TIMELESS: variants seen among roughly 807,000 people sequenced by gnomAD.
TIMELESS encodes protein timeless homolog.
A neutral mutation model predicts 164.3 loss-of-function variants in TIMELESS; 124 were observed. That is an observed-to-expected ratio of 0.75 (90% confidence interval 0.65 to 0.88). The LOEUF is 0.88. Among genes scored for constraint, TIMELESS ranks in the 40% least tolerant of loss-of-function variants. TIMELESS has a pLI of 0.00. For synonymous variants in TIMELESS, 564 were observed against 563.4 expected (o/e 1.00, Z -0.02); for missense variants, 1,422 against 1,491.4 (o/e 0.95, Z 0.77).
At chr12:56,423,547 G>T (rs577212141) in intron 17 of TIMELESS, 37 bp downstream of exon 17, 1 of 1,612,570 alleles carries the variant, frequency 6.2e-7, no homozygotes, top group Non-Finnish European at 8.5e-7. Flanking sequence ...CCGCACAATC[G>T]CCACTCTAGG....
chr12:56,449,147 A>G (rs1036262890), intron 1 of TIMELESS, among the ~76,000 whole-genome samples, 163 bp downstream of exon 1: 2 of 152,264 alleles, frequency 1.3e-5, no homozygotes, highest in African/African-American at 4.8e-5. Context: ...GAGACTAAGG[A>G]GCAGAGTACA....
At position 56,417,800 on chromosome 12, in the gene TIMELESS, G is replaced by A; in HGVS notation, c.3557-14C>T. 1 of 1,614,122 alleles carries A rather than the reference G, an allele frequency of 6.2e-7. No homozygotes were observed. The highest frequency in any genetic ancestry group is 1.1e-5 in the South Asian group (1 of 91,084). ...CCAACTCTGGTGCTGTGGGAACGAT[G>A]GGGGTGAGAGAGAGAGAGAATATCT... On this transcript the variant is annotated splice_polypyrimidine_tract_variant and intron_variant, in intron 28 of 28. Coordinates refer to ENST00000553532, the MANE Select transcript of TIMELESS (RefSeq NM_003920.5).
intron 1 of TIMELESS, among the ~76,000 whole-genome samples, chr12:56,443,271 C>T (rs1868302006): frequency 1.3e-5 from 2 of 152,204 alleles, no homozygotes; most frequent in Admixed American, 1.3e-4. Flanking sequence ...ATTGATAACC[C>T]TGGGGAAGGA....
At chr12:56,437,078 C>T (rs767387191) in intron 1 of TIMELESS, among the ~76,000 whole-genome samples, 61 of 152,112 alleles carry the variant, frequency 4.0e-4, no homozygotes, top group African/African-American at 8.0e-4. Flanking sequence ...TACAGGCGCA[C>T]GCCACCATAC....
rs1333757480 is a variant in TIMELESS, at chr12:56,420,562, T to C, written c.3228+7A>G. The C allele has an allele frequency of 6.2e-7, 1 of 1,613,314 alleles. No individual in the cohort carries two copies. Among genetic ancestry groups the C allele is most frequent in the East Asian group, 2.2e-5 (1 of 44,886 alleles). On this transcript the variant is annotated splice_region_variant and intron_variant, in intron 26 of 28. Transcript: ENST00000553532. ...GCCTTGGTTGACACTGTAACTGACA[T>C]ATTTACCTGCCCAGAGGCAGGGGGC...
At chr12:56,434,984 G>A (rs1053146094) in intron 1 of TIMELESS, among the ~76,000 whole-genome samples, 4 of 152,160 alleles carry the variant, frequency 2.6e-5, no homozygotes, top group African/African-American at 9.7e-5. Context: ...TGAGGTTGCA[G>A]TGAGCTGTGA....
Position 56,433,621 on chromosome 12 carries a change from G to C in TIMELESS, c.283C>G (p.Leu95Val). ...LMVNLTQPALLCFGNLPKEPS... is the reference protein window; with the variant it reads ...LMVNLTQPALVCFGNLPKEPS... ...TCCTTAGGCAGATTGCCAAAACAGA[G>C]CAAGGCTGGTTGTGTCAAGTTCACC... The change falls in exon 4 of 29, where the codon CTC (leucine) becomes GTC (valine). Residue 95 changes from leucine to valine, a missense_variant. By Grantham distance (32) the Leu-to-Val change is conservative. Coordinates refer to ENST00000553532, the MANE Select transcript of TIMELESS (RefSeq NM_003920.5). 3.1e-6 allele frequency: 5 copies of C among 1,614,154 alleles called. No homozygotes were observed. The highest frequency in any genetic ancestry group is 4.2e-6 in the Non-Finnish European group (5 of 1,180,050).
intron 1 of TIMELESS, among the ~76,000 whole-genome samples, chr12:56,441,813 G>T (rs1427148957): frequency 1.3e-5 from 2 of 152,162 alleles, no homozygotes; most frequent in Non-Finnish European, 2.9e-5. Flanking sequence ...GCCAGGCGCG[G>T]TGGCTCACGC....
At chr12:56,423,925 C>G in intron 15 of TIMELESS, 31 bp from the exon 16 acceptor site, 1 of 1,578,782 alleles carries the variant, frequency 6.3e-7, no homozygotes, top group Non-Finnish European at 8.7e-7. Context: ...AGGCTTTACC[C>G]AGGGGAAATC....
intron 1 of TIMELESS, among the ~76,000 whole-genome samples, chr12:56,442,770 C>T (rs574849778): frequency 2.2e-4 from 34 of 152,222 alleles, no homozygotes; most frequent in Middle Eastern, 3.4e-3. Flanking sequence ...ATGGAGAGAC[C>T]GGCTGAAGCC....
In TIMELESS at chr12:56,428,290, G is replaced by A. The variant is rs1160767248; in HGVS notation, c.1524C>T (p.Leu508=). The change falls in exon 13 of 29, where the codon CTC becomes CTT. Residue 508 remains leucine (L), a synonymous_variant. Transcript: ENST00000553532. ...FLRDLVETTH[L]FLKMLERFCR... ...AGAATCGCTCCAACATTTTGAGGAAGAGGTGGGTGGTCTCCACCAGGTCAC... is the reference window on the plus strand; with the variant it reads ...AGAATCGCTCCAACATTTTGAGGAAAAGGTGGGTGGTCTCCACCAGGTCAC... The A allele has an allele frequency of 6.2e-7, 1 of 1,612,746 alleles. No individual in the cohort carries two copies. Among genetic ancestry groups the A allele is most frequent in the East Asian group, 2.2e-5 (1 of 44,836 alleles).
At chr12:56,445,659 G>A (rs1868340123) in intron 1 of TIMELESS, among the ~76,000 whole-genome samples, 2 of 151,672 alleles carry the variant, frequency 1.3e-5, no homozygotes, top group African/African-American at 4.8e-5. Flanking sequence ...AATCGCTTGA[G>A]GCGGAGGTTG....
Position 56,421,137 on chromosome 12 carries a change from A to G in TIMELESS, c.2869-3T>C. Reference sequence around the variant, plus strand: ...TTCAGGGACTCCGCTCCATTTGGCTAAAATTCATTGGGGGTTGGGGGAATG... The same window carrying G: ...TTCAGGGACTCCGCTCCATTTGGCTGAAATTCATTGGGGGTTGGGGGAATG... On this transcript the variant is annotated splice_polypyrimidine_tract_variant and splice_region_variant and intron_variant, in intron 23 of 28. Transcript: ENST00000553532. The G allele has an allele frequency of 2.5e-6, 4 of 1,613,964 alleles. No homozygotes were observed. The South Asian group carries it at 3.3e-5, about 13-fold the overall frequency.
At position 56,416,563 on chromosome 12, in the gene TIMELESS, T is replaced by C. The variant is rs984345882; in HGVS notation, c.*1153A>G. ...AGATTTTGTCCTTTTCTATGCCCCATGCCAACAAGCTGGCTTCTCTTCCTT... is the reference window on the plus strand; with the variant it reads ...AGATTTTGTCCTTTTCTATGCCCCACGCCAACAAGCTGGCTTCTCTTCCTT... On this transcript the variant is annotated 3_prime_UTR_variant, in exon 29 of 29. Transcript: ENST00000553532. 6.6e-6 allele frequency: 1 copy of C among 152,248 alleles called. No individual in the cohort carries two copies. The highest frequency in any genetic ancestry group is 1.5e-5 in the Non-Finnish European group (1 of 68,078). 9.4% of individuals were successfully genotyped at this position (152,248 alleles called of 1,614,324 possible). A position where few individuals can be genotyped will look rare whatever the true frequency, so the allele number is the denominator to read the frequency against.
At position 56,417,635 on chromosome 12, in the gene TIMELESS, G is replaced by A. The variant is rs1359571246; in HGVS notation, c.*81C>T. ...TCTGTCCAGTAAGAGGAGCTTCTGG[G>A]TCCTGTATGACCCTTCCAACTCTGA... On this transcript the variant is annotated 3_prime_UTR_variant, in exon 29 of 29. Transcript: ENST00000553532. The A allele has an allele frequency of 4.3e-6, 6 of 1,393,794 alleles. No individual in the cohort carries two copies. In the Admixed American group the frequency reaches 1.0e-4, roughly 24 times the overall value. The allele number at this position is 1,393,794 out of a possible 1,614,324, so 86.3% of individuals were successfully genotyped here. A position where few individuals can be genotyped will look rare whatever the true frequency, so the allele number is the denominator to read the frequency against.
At chr12:56,444,006 T>C (rs1868315057) in intron 1 of TIMELESS, among the ~76,000 whole-genome samples, 1 of 151,814 alleles carries the variant, frequency 6.6e-6, no homozygotes, top group Admixed American at 6.6e-5. Flanking sequence ...CAAGCGATTA[T>C]CTTGCCTCAG....
intron 4 of TIMELESS, 29 bp downstream of exon 4, chr12:56,433,509 A>T (rs1881965340): frequency 1.2e-6 from 2 of 1,613,528 alleles, no homozygotes; most frequent in African/African-American, 2.7e-5. Context: ...CCCATATTCC[A>T]CCCCAGGGAC....
chr12:56,418,051 C>T (rs757463516), intron 27 of TIMELESS, 43 bp from the exon 28 acceptor site: 17 of 1,613,444 alleles, frequency 1.1e-5, no homozygotes, highest in Non-Finnish European at 1.4e-5. Context: ...ACTCGGTCCT[C>T]ATATTCTCAG....
intron 26 of TIMELESS, among the ~76,000 whole-genome samples, chr12:56,420,029 A>AAATATATATATATATATAT (rs1555176447): frequency 1.3e-5 from 1 of 75,188 alleles, no homozygotes; most frequent in African/African-American, 6.7e-5. Context: ...AAAAAAAAAA[A>AAATATATATATATATATAT]ATATATATAT....
Sources: gnomAD v4.1 joint callset for allele counts (sites outside exome capture counted in the v4.1 genomes callset) on GRCh38, gnomAD v4.1.1 for gene constraint, MANE v1.5 for transcripts, NCBI Gene and HGNC (gene_info 2026-07-23, HGNC 2026-07-21) for gene names.